Variants in ZNF91 observed in about 807,000 individuals in gnomAD.
ZNF91 encodes zinc finger protein 91 (HPF7, HTF10).
Under a neutral mutation model 12.6 loss-of-function variants are expected in ZNF91, and 7 were observed. The ratio of observed to expected loss-of-function variants is 0.55; its 90% CI spans 0.31 to 1.04. The LOEUF is 1.04. Among genes scored for constraint, ZNF91 ranks in the 50% least tolerant of loss-of-function variants. The pLI is 0.05. For missense variants in ZNF91, 1,217 were observed against 1,385.4 expected (o/e 0.88, Z 1.93); for synonymous variants, 453 against 462.6 (o/e 0.98, Z 0.27).
intron 1 of ZNF91, among the ~76,000 whole-genome samples, chr19:23,394,473 G>C (rs1970165195): frequency 6.6e-6 from 1 of 152,110 alleles, no homozygotes; most frequent in African/African-American, 2.4e-5. Context: ...GTTCACGCCT[G>C]TAATTCCAGC....
intron 1 of ZNF91, among the ~76,000 whole-genome samples, chr19:23,393,374 A>C (rs867783363): frequency 6.6e-6 from 1 of 152,180 alleles, no homozygotes. Context: ...CCTATGAGAG[A>C]ATATGACCCA....
Position 23,361,109 on chromosome 19 carries a change from G to A in ZNF91, c.1870C>T (p.His624Tyr). The A allele has an allele frequency of 1.2e-6, 2 of 1,613,846 alleles. No homozygotes were observed. The highest frequency in any genetic ancestry group is 1.7e-6 in the Non-Finnish European group (2 of 1,179,940). ...CATTTGTAGGGTTTCTCTCCAGTGT[G>A]TATCCTCTTATGTCTTCTTAGGGTT... ...SSTLRRHKRI[H>Y]TGEKPYKCEE... is the part of the protein sequence containing the mutation. The change falls in exon 4 of 4, where the codon CAC becomes TAC. Residue 624 changes from histidine to tyrosine, a missense_variant. Physicochemically the swap from His to Tyr is moderately conservative, Grantham distance 83 (BLOSUM62 2). This residue lies in a region of ZNF91 where 726 missense variants were observed against 895.5 expected (regional missense o/e 0.81). Coordinates refer to ENST00000300619, the MANE Select transcript of ZNF91 (RefSeq NM_003430.4).
chr19:23,395,020 C>T (rs534007157), intron 1 of ZNF91, among the ~76,000 whole-genome samples: 42 of 152,270 alleles, frequency 2.8e-4, no homozygotes, highest in African/African-American at 8.9e-4. Flanking sequence ...TCTCCCCTGA[C>T]GACCCTCCCG....
At chr19:23,383,578 C>T (rs1969785076) in intron 1 of ZNF91, among the ~76,000 whole-genome samples, 1 of 151,944 alleles carries the variant, frequency 6.6e-6, no homozygotes, top group South Asian at 2.1e-4. Flanking sequence ...ATCCCAGCTA[C>T]TCAAGAGGCC....
At chr19:23,318,469 G>A (rs955219729) in intron 1 of ZNF91, among the ~76,000 whole-genome samples, 2 of 152,066 alleles carry the variant, frequency 1.3e-5, no homozygotes, top group African/African-American at 4.8e-5. Flanking sequence ...TGGACCCAAC[G>A]GTAAGGTGAT....
In ZNF91 at chr19:23,395,415, G is replaced by T; in HGVS notation, c.-61C>A. 2 of 1,599,504 alleles carry T rather than the reference G, an allele frequency of 1.3e-6. No homozygotes were observed. The highest frequency in any genetic ancestry group is 4.5e-5 in the East Asian group (2 of 44,726). ...GGCCACACAGGCTGGGCCTCCTGGA[G>T]CAGAGGACACAGAGCAGTGAAGTCG... On this transcript the variant is annotated 5_prime_UTR_variant, in exon 1 of 4. Coordinates refer to ENST00000300619, the MANE Select transcript of ZNF91 (RefSeq NM_003430.4).
chr19:23,339,089 T>C (rs896417290), intron 3 of ZNF91: 1 of 145,806 alleles, frequency 6.9e-6, no homozygotes, highest in East Asian at 2.0e-4. Flanking sequence ...ATTTATGAAA[T>C]GAATGAGAAA....
Position 23,359,212 on chromosome 19 carries a change from C to T in ZNF91, c.*191G>A. ...TTCTTTATATTTGTAGGGTTTCTCT[C>T]TAGTATGAATTTTCTTTTTTTTTTT... On this transcript the variant is annotated 3_prime_UTR_variant, in exon 4 of 4. Coordinates refer to ENST00000300619, the MANE Select transcript of ZNF91 (RefSeq NM_003430.4). 1 of 486,382 alleles carries T rather than the reference C, an allele frequency of 2.1e-6. No homozygotes were observed. The highest frequency in any genetic ancestry group is 3.7e-6 in the Non-Finnish European group (1 of 267,848). 30.1% of individuals were successfully genotyped at this position (486,382 alleles called of 1,614,324 possible).
chr19:23,341,183 T>C (rs982223096), intron 3 of ZNF91, among the ~76,000 whole-genome samples: 6 of 152,036 alleles, frequency 3.9e-5, no homozygotes, highest in African/African-American at 1.4e-4. Context: ...CCTGAGGAGT[T>C]GGGGCTGCAG....
Position 23,362,436 on chromosome 19 carries a change from G to A in ZNF91, c.543C>T (p.Cys181=), listed in dbSNP as rs965482475. 1.5e-5 allele frequency: 24 copies of A among 1,613,690 alleles called. No individual in the cohort carries two copies. Among genetic ancestry groups the A allele is most frequent in the Non-Finnish European group, 1.9e-5 (22 of 1,179,938 alleles). ...ACTTGACACATTTTTTACATTTGAAGCATTTCTTTCCAGTATGTCTTATCG... is the reference window on the plus strand; with the variant it reads ...ACTTGACACATTTTTTACATTTGAAACATTTCTTTCCAGTATGTCTTATCG... ...RHTIRHTGKK[C]FKCKKCVKSF... Residue 181 remains cysteine, a synonymous_variant, in exon 4 of 4, where the codon TGC becomes TGT. Transcript: ENST00000300619.
intron 1 of ZNF91, among the ~76,000 whole-genome samples, chr19:23,393,658 C>CA (rs371448123): frequency 9.3e-5 from 14 of 151,208 alleles, no homozygotes; most frequent in East Asian, 1.9e-4. Flanking sequence ...GAGTATTTAC[C>CA]AAAAAAAACA....
intron 3 of ZNF91, among the ~76,000 whole-genome samples, chr19:23,366,784 C>T (rs1969031229): frequency 6.6e-6 from 1 of 152,150 alleles, no homozygotes; most frequent in Non-Finnish European, 1.5e-5. Flanking sequence ...AGGACTCTGC[C>T]CCATGACCCA....
chr19:23,366,649 A>G (rs375189383), intron 3 of ZNF91, among the ~76,000 whole-genome samples: 35 of 152,364 alleles, frequency 2.3e-4, no homozygotes, highest in African/African-American at 8.2e-4. Context: ...TGTACACACC[A>G]CAAGATAACA....
intron 1 of ZNF91, among the ~76,000 whole-genome samples, chr19:23,320,608 A>G (rs1967668420): frequency 1.3e-5 from 2 of 152,238 alleles, no homozygotes; most frequent in Admixed American, 1.3e-4. Flanking sequence ...TCACAAAAAC[A>G]GTATGGGGGA....
intron 1 of ZNF91, among the ~76,000 whole-genome samples, chr19:23,318,526 T>C (rs1433621280): frequency 6.6e-6 from 1 of 152,102 alleles, no homozygotes; most frequent in Non-Finnish European, 1.5e-5. Context: ...TTCTGACATA[T>C]TGCTGGGCTC....
At chr19:23,305,353 G>A (rs1967383640) in intron 3 of ZNF91, among the ~76,000 whole-genome samples, 1 of 152,074 alleles carries the variant, frequency 6.6e-6, no homozygotes, top group Non-Finnish European at 1.5e-5. Context: ...CACTTACTCA[G>A]CCCTGATTAT....
chr19:23,353,856 T>C (rs1968424743), downstream of ZNF91, among the ~76,000 whole-genome samples: 1 of 151,910 alleles, frequency 6.6e-6, no homozygotes, highest in South Asian at 2.1e-4. Context: ...AAGAGATGAA[T>C]AAATTCCTGG....
At chr19:23,384,939 A>G in intron 1 of ZNF91, 1 of 827,362 alleles carries the variant, frequency 1.2e-6, no homozygotes, top group Non-Finnish European at 2.1e-6. Flanking sequence ...CCTTTCGGCC[A>G]GCAAAGTTGC....
At chr19:23,313,303 C>G (rs567372727), upstream of ZNF91, among the ~76,000 whole-genome samples, 3 of 152,328 alleles carry the variant, frequency 2.0e-5, no homozygotes, top group East Asian at 5.8e-4. Flanking sequence ...TGATGTGACT[C>G]TATTATCCTG....
Sources: allele counts gnomAD v4.1 joint callset (sites outside exome capture counted in the v4.1 genomes callset), GRCh38; gene constraint gnomAD v4.1.1; regional missense constraint gnomAD v4.1.1; transcripts MANE v1.5; gene names NCBI Gene and HGNC (gene_info 2026-07-23, HGNC 2026-07-21).